Variants in EYS observed in about 807,000 individuals in gnomAD.
EYS encodes protein eyes shut homolog.
EYS carries 250 observed loss-of-function variants against 282.1 expected under a neutral mutation model. That is an observed-to-expected ratio of 0.89 (90% confidence interval 0.80 to 0.98). The LOEUF (loss-of-function observed/expected upper bound fraction) is 0.98. Among genes scored for constraint, EYS ranks in the 50% least tolerant of loss-of-function variants. The pLI is 0.00. For synonymous variants in EYS, 1,355 were observed against 1,282.9 expected (o/e 1.06, Z -1.20); for missense variants, 4,016 against 3,709.0 (o/e 1.08, Z -2.15).
At chr6:65,202,760 G>A (rs1442030202) in intron 12 of EYS, among the ~76,000 whole-genome samples, 3 of 152,116 alleles carry the variant, frequency 2.0e-5, no homozygotes, top group Admixed American at 6.5e-5. Flanking sequence ...GGCACAAATG[G>A]TTTTGGGTCA....
chr6:65,648,475 T>C (rs1767537039), intron 1 of EYS, among the ~76,000 whole-genome samples: 1 of 152,146 alleles, frequency 6.6e-6, no homozygotes, highest in Admixed American at 6.5e-5. Context: ...AAACATCGTA[T>C]GTTCTCATTC....
At chr6:63,735,467 T>C (rs1183849348) in intron 41 of EYS, among the ~76,000 whole-genome samples, 3 of 151,506 alleles carry the variant, frequency 2.0e-5, no homozygotes, top group African/African-American at 7.3e-5. Context: ...CCTGTCTCTG[T>C]CTTCCTGTGT....
At chr6:65,580,996 A>G (rs772206691) in intron 2 of EYS, among the ~76,000 whole-genome samples, 1 of 152,118 alleles carries the variant, frequency 6.6e-6, no homozygotes, top group Admixed American at 6.6e-5. Context: ...AATCTATTCA[A>G]TTGCAATGAG....
rs1324052298 is a variant in EYS at position 64,675,990 on chromosome 6, T to G, written c.3444-49745A>C. On this transcript the variant is annotated intron_variant, in intron 22 of 42. Transcript: ENST00000503581. ...ATCTATTGATCGATAGATCTATATA[T>G]GGACAGATTCTATATATCTAGATAT... Among the ~76,000 whole-genome samples, 7 of 150,238 alleles carry G rather than the reference T, an allele frequency of 4.7e-5. No individual in the cohort carries two copies. The South Asian group carries it at 1.3e-3, about 27-fold the overall frequency.
At chr6:64,951,228 G>A (rs1769496915) in intron 14 of EYS, among the ~76,000 whole-genome samples, 1 of 151,600 alleles carries the variant, frequency 6.6e-6, no homozygotes, top group African/African-American at 2.4e-5. Context: ...TGGAGTTTAG[G>A]GCCAGCAATA....
intron 26 of EYS, among the ~76,000 whole-genome samples, chr6:64,570,134 A>G (rs1765680565): frequency 6.6e-6 from 1 of 152,240 alleles, no homozygotes; most frequent in Non-Finnish European, 1.5e-5. Flanking sequence ...GTGGGGGCCA[A>G]TATTCAACAT....
intron 35 of EYS, among the ~76,000 whole-genome samples, chr6:63,945,950 G>A (rs1023517299): frequency 3.3e-5 from 5 of 152,028 alleles, no homozygotes; most frequent in Non-Finnish European, 5.9e-5. Context: ...CTGAACCTAC[G>A]AATAAAACCT....
chr6:63,961,245 G>T (rs1224141376), intron 35 of EYS, among the ~76,000 whole-genome samples: 1 of 152,152 alleles, frequency 6.6e-6, no homozygotes, highest in East Asian at 1.9e-4. Flanking sequence ...TGACTTGCAC[G>T]TATACATCTA....
chr6:64,763,647 A>T (rs1029107156), intron 22 of EYS, among the ~76,000 whole-genome samples: 2 of 152,174 alleles, frequency 1.3e-5, no homozygotes, highest in African/African-American at 2.4e-5. Flanking sequence ...CCATCCCAAC[A>T]GTCCCCCAAT....
At chr6:64,357,458 T>A (rs637362) in intron 29 of EYS, among the ~76,000 whole-genome samples, 114,175 of 151,514 alleles carry the variant, frequency 0.75, 43,645 homozygotes, top group African/African-American at 0.89. Flanking sequence ...CCACTAATTC[T>A]AAATATTTTT....
At chr6:64,258,654 C>G (rs1767483031) in intron 30 of EYS, among the ~76,000 whole-genome samples, 1 of 152,060 alleles carries the variant, frequency 6.6e-6, no homozygotes, top group Non-Finnish European at 1.5e-5. Flanking sequence ...GCATTTACCT[C>G]AAGATATTAA....
intron 12 of EYS, among the ~76,000 whole-genome samples, chr6:65,232,590 G>A (rs1213695512): frequency 6.6e-6 from 1 of 151,994 alleles, no homozygotes; most frequent in Non-Finnish European, 1.5e-5. Context: ...CCCTCACCCA[G>A]TTTCTCCTCT....
chr6:65,530,884 C>A (rs1033050615), intron 2 of EYS, among the ~76,000 whole-genome samples: 11 of 151,938 alleles, frequency 7.2e-5, no homozygotes, highest in African/African-American at 2.7e-4. Flanking sequence ...CCATATTTTT[C>A]TCTTTAAATA....
chr6:64,594,221 T>C (rs2149833980), intron 24 of EYS, among the ~76,000 whole-genome samples: 1 of 152,274 alleles, frequency 6.6e-6, no homozygotes, highest in South Asian at 2.1e-4. Context: ...TTCCTAATGT[T>C]AGATAATTCG....
intron 35 of EYS, among the ~76,000 whole-genome samples, chr6:63,904,503 G>C (rs570776536): frequency 1.3e-5 from 2 of 152,218 alleles, no homozygotes; most frequent in South Asian, 4.2e-4. Flanking sequence ...TCAGGCCTTC[G>C]GCTCCTCATC....
chr6:64,247,640 C>T (rs796904124), intron 30 of EYS, among the ~76,000 whole-genome samples: 2 of 151,962 alleles, frequency 1.3e-5, no homozygotes, highest in Admixed American at 6.6e-5. Flanking sequence ...TTTGTAGAGT[C>T]GAGGAAAAAA....
At chr6:64,264,110 A>ACAG (rs1048775967) in intron 30 of EYS, among the ~76,000 whole-genome samples, 35 of 151,846 alleles carry the variant, frequency 2.3e-4, no homozygotes, top group African/African-American at 7.2e-4. Context: ...AAAAACAACA[A>ACAG]CAAAACAATG....
At chr6:65,658,119 T>G (rs779180152) in intron 1 of EYS, among the ~76,000 whole-genome samples, 1 of 151,766 alleles carries the variant, frequency 6.6e-6, no homozygotes, top group Non-Finnish European at 1.5e-5. Context: ...GGTAACCAAA[T>G]AGCTTGTGGG....
intron 30 of EYS, among the ~76,000 whole-genome samples, chr6:64,260,856 C>A (rs1038300149): frequency 6.6e-6 from 1 of 151,470 alleles, no homozygotes; most frequent in Non-Finnish European, 1.5e-5. Context: ...TCTTAACTTT[C>A]CAATTTGTAT....
Sources: gnomAD v4.1 joint callset for allele counts (sites outside exome capture counted in the v4.1 genomes callset) on GRCh38, gnomAD v4.1.1 for gene constraint, MANE v1.5 for transcripts, NCBI Gene and HGNC (gene_info 2026-07-23, HGNC 2026-07-21) for gene names.